Variants in GTPBP1 observed in about 807,000 individuals in gnomAD.
The protein encoded by GTPBP1 is GTP binding protein 1.
Under a neutral mutation model 62.0 loss-of-function variants are expected in GTPBP1, and 23 were observed. The observed-to-expected ratio is 0.37, with a 90% confidence interval of 0.27 to 0.53. GTPBP1 has a LOEUF of 0.53. Among genes scored for constraint, GTPBP1 ranks in the 20% least tolerant of loss-of-function variants. GTPBP1 has a pLI of 0.89. For missense variants in GTPBP1, 640 were observed against 917.3 expected (o/e 0.70, Z 3.90); for synonymous variants, 344 against 364.4 (o/e 0.94, Z 0.64).
intron 2 of GTPBP1, 31 bp downstream of exon 2, chr22:38,708,987 T>A: frequency 7.4e-7 from 1 of 1,350,928 alleles, no homozygotes; most frequent in South Asian, 1.2e-5. Context: ...ACTTTATTTT[T>A]AAAAATTATT....
chr22:38,707,285 C>G (rs1195326650), intron 1 of GTPBP1, among the ~76,000 whole-genome samples: 1 of 152,226 alleles, frequency 6.6e-6, no homozygotes, highest in South Asian at 2.1e-4. Flanking sequence ...TTTTATCCAG[C>G]TTTGAAAATG....
chr22:38,707,468 C>T (rs1277592837), intron 1 of GTPBP1, among the ~76,000 whole-genome samples: 3 of 152,204 alleles, frequency 2.0e-5, no homozygotes, highest in Non-Finnish European at 4.4e-5. Context: ...TGTCTTGTGC[C>T]TGTAAGGCCA....
Position 38,716,916 on chromosome 22 carries a change from C to T in GTPBP1, c.750C>T (p.Phe250=), listed in dbSNP as rs138114417. 5.1e-3 allele frequency: 8,214 copies of T among 1,614,066 alleles called. 20 individuals are homozygous for T. The highest frequency in any genetic ancestry group is 6.4e-3 in the Non-Finnish European group (7,552 of 1,179,884). Residue 250 remains phenylalanine (F), a synonymous_variant, in exon 4 of 12, where the codon TTC becomes TTT. Transcript: ENST00000216044. This position sits in a 1 kb window ranked among gnomAD's most constrained non-coding sequence, Gnocchi z 5.2. ...ICEKSTKVIT[F]IDLAGHEKYL... ...AGAAGTCCACGAAAGTCATTACCTT[C>T]ATCGACTTGGCTGGTCATGAGAAGT...
chr22:38,733,175 G>A lies in GTPBP1; in HGVS notation c.*2471G>A, dbSNP rs887415026. ...TGCTCTTTGTCCCGACTCTGGCCCT[G>A]CTTACAGGGGCCACTACCTGCTGGT... On this transcript the variant is annotated 3_prime_UTR_variant, in exon 12 of 12. Coordinates refer to ENST00000216044, the MANE Select transcript of GTPBP1 (RefSeq NM_004286.5). The A allele has an allele frequency of 6.6e-6, 1 of 152,264 alleles. No homozygotes were observed. The highest frequency in any genetic ancestry group is 2.4e-5 in the African/African-American group (1 of 41,448). 9.4% of individuals were successfully genotyped at this position (152,264 alleles called of 1,614,324 possible).
chr22:38,706,094 A>T lies in GTPBP1; in HGVS notation c.139A>T (p.Ser47Cys). The stretch of plus-strand genomic sequence containing the variant: ...CCACGGCGGCTTTGACTCGGACTGC[A>T]GCGAGGACGGCGAGGCGCTCAACGG... ...RLHGGFDSDC[S>C]EDGEALNGEP... The change falls in exon 1 of 12, where the codon AGC (serine) becomes TGC (cysteine). Residue 47 changes from serine (S) to cysteine (C), a missense_variant. Coordinates refer to ENST00000216044, the MANE Select transcript of GTPBP1 (RefSeq NM_004286.5). 1 of 1,322,222 alleles carries T rather than the reference A, an allele frequency of 7.6e-7. No homozygotes were observed. Among genetic ancestry groups the T allele is most frequent in the Non-Finnish European group, 9.7e-7 (1 of 1,035,908 alleles). 81.9% of individuals were successfully genotyped at this position (1,322,222 alleles called of 1,614,324 possible).
At chr22:38,736,517 G>A (rs987996176), downstream of GTPBP1, 1 of 640,356 alleles carries the variant, frequency 1.6e-6, no homozygotes, top group South Asian at 2.3e-5. Flanking sequence ...AAGAGAACCA[G>A]GCTTCAAAAG....
chr22:38,721,374 A>G (rs549355708), intron 4 of GTPBP1, among the ~76,000 whole-genome samples: 31 of 152,068 alleles, frequency 2.0e-4, no homozygotes, highest in African/African-American at 6.8e-4. Flanking sequence ...CACCGTGCCC[A>G]GCCTTAATTT....
chr22:38,719,929 CTTTTT>C (rs374928496), intron 4 of GTPBP1, among the ~76,000 whole-genome samples: 1 of 135,772 alleles, frequency 7.4e-6, no homozygotes, highest in Non-Finnish European at 1.6e-5. Context: ...TTCTTTCTTT[CTTTTT>C]TTTTTTTTTT....
intron 2 of GTPBP1, among the ~76,000 whole-genome samples, chr22:38,715,074 T>A (rs1319068129): frequency 2.0e-5 from 3 of 152,154 alleles, no homozygotes; most frequent in Non-Finnish European, 2.9e-5. Context: ...TTTTCCTCCA[T>A]CTTTCTGTCG....
At chr22:38,724,702 G>A (rs2092718111) in intron 6 of GTPBP1, among the ~76,000 whole-genome samples, 1 of 152,172 alleles carries the variant, frequency 6.6e-6, no homozygotes, top group Non-Finnish European at 1.5e-5. Context: ...CTGTGAAATG[G>A]GAATAACATT....
downstream of GTPBP1, chr22:38,739,897 C>T (rs374336983): frequency 4.5e-5 from 73 of 1,612,982 alleles, no homozygotes; most frequent in Non-Finnish European, 6.0e-5. This position sits in a 1 kb window ranked among gnomAD's most constrained non-coding sequence, Gnocchi z 6.7. Flanking sequence ...GCCCCCTCCA[C>T]CTCGGGCAAG....
intron 2 of GTPBP1, among the ~76,000 whole-genome samples, chr22:38,709,800 C>G (rs1782553146): frequency 6.6e-6 from 1 of 152,242 alleles, no homozygotes; most frequent in African/African-American, 2.4e-5. Context: ...GTCGTCCTCT[C>G]TCCCCACTGG....
Position 38,733,018 on chromosome 22 carries a change from A to G in GTPBP1, c.*2314A>G, listed in dbSNP as rs1470576153. On this transcript the variant is annotated 3_prime_UTR_variant, in exon 12 of 12. Transcript: ENST00000216044. ...CTGTTCTATTTTTCTAGTTAAGGGA[A>G]CTGAAGCTCAGAGAGGTGTCACCAG... The G allele has an allele frequency of 6.6e-6, 1 of 152,194 alleles. No individual in the cohort carries two copies. The highest frequency in any genetic ancestry group is 1.9e-4 in the East Asian group (1 of 5,188). 9.4% of individuals were successfully genotyped at this position (152,194 alleles called of 1,614,324 possible). A position where few individuals can be genotyped will look rare whatever the true frequency, so the allele number is the denominator to read the frequency against.
intron 2 of GTPBP1, among the ~76,000 whole-genome samples, chr22:38,709,847 A>G (rs997422820): frequency 2.6e-5 from 4 of 152,238 alleles, no homozygotes; most frequent in Non-Finnish European, 5.9e-5. Context: ...CCATTCTGAA[A>G]GGGACTGGTT....
At chr22:38,723,569 G>T in intron 5 of GTPBP1, 1 of 585,786 alleles carries the variant, frequency 1.7e-6, no homozygotes, top group East Asian at 2.8e-5. Context: ...ATTTCCATCA[G>T]CCCAGAATCT....
At chr22:38,709,334 T>C (rs1330666901) in intron 2 of GTPBP1, among the ~76,000 whole-genome samples, 1 of 152,228 alleles carries the variant, frequency 6.6e-6, no homozygotes, top group Non-Finnish European at 1.5e-5. Flanking sequence ...TTCCCCGCTT[T>C]TTGAACTTTT....
At position 38,730,605 on chromosome 22, in the gene GTPBP1, C is replaced by T; in HGVS notation, c.1918-7C>T. 1 of 1,591,832 alleles carries T rather than the reference C, an allele frequency of 6.3e-7. No individual in the cohort carries two copies. Among genetic ancestry groups the T allele is most frequent in the Admixed American group, 1.7e-5 (1 of 60,014 alleles). ...AGTGCTTCTCAAGCTCCTTCTCTCT[C>T]TTTCAGCCTAAGCCCAGCAGTGGAG... On this transcript the variant is annotated splice_region_variant and splice_polypyrimidine_tract_variant and intron_variant, in intron 11 of 11. Transcript: ENST00000216044. This position sits in a 1 kb window ranked among gnomAD's most constrained non-coding sequence, Gnocchi z 5.6.
In GTPBP1 at chr22:38,716,665, G is replaced by T; in HGVS notation, c.499G>T (p.Gly167Cys). Reference protein sequence around the residue: ...DFLEVRVAVVGNVDAGKSTLL... With the variant: ...DFLEVRVAVVCNVDAGKSTLL... ...ATCTACACGCAGGGTAGCAGTGGTG[G>T]GCAACGTGGATGCTGGCAAAAGCAC... The change falls in exon 4 of 12, where the codon GGC (glycine) becomes TGC (cysteine). Residue 167 changes from glycine (G) to cysteine (C), a missense_variant. Transcript: ENST00000216044. This position sits in a 1 kb window ranked among gnomAD's most constrained non-coding sequence, Gnocchi z 5.2. 1 of 1,612,964 alleles carries T rather than the reference G, an allele frequency of 6.2e-7. No homozygotes were observed. The highest frequency in any genetic ancestry group is 8.5e-7 in the Non-Finnish European group (1 of 1,179,300).
At chr22:38,706,456 C>A (rs926043280) in intron 1 of GTPBP1, 12 of 238,536 alleles carry the variant, frequency 5.0e-5, no homozygotes, top group Admixed American at 4.0e-4. Context: ...ATGCCAGCTG[C>A]GCTCCGCGCG....
Sources: allele counts gnomAD v4.1 joint callset (sites outside exome capture counted in the v4.1 genomes callset), GRCh38; gene constraint gnomAD v4.1.1; non-coding constraint Gnocchi (gnomAD v3.1); transcripts MANE v1.5; gene names NCBI Gene and HGNC (gene_info 2026-07-23, HGNC 2026-07-21).